BPTF: variants seen among roughly 807,000 people sequenced by gnomAD.
BPTF encodes bromodomain PHD finger transcription factor.
A neutral mutation model predicts 292.5 loss-of-function variants in BPTF; 18 were observed. That is an observed-to-expected ratio of 0.06 (90% CI 0.04 to 0.09). The LOEUF is 0.09. Ranked by LOEUF, BPTF falls within the 10% of genes least tolerant of loss-of-function variation. The pLI, the probability that BPTF is intolerant of heterozygous loss-of-function variation, is 1.00. For synonymous variants in BPTF, 1,225 were observed against 1,251.9 expected (o/e 0.98, Z 0.45); for missense variants, 2,726 against 3,498.7 (o/e 0.78, Z 5.57).
At chr17:67,870,261 CTT>C (rs374215070) in intron 3 of BPTF, among the ~76,000 whole-genome samples, 15 of 133,530 alleles carry the variant, frequency 1.1e-4, no homozygotes, top group Admixed American at 2.3e-4. Context: ...TCTTTCTTTC[CTT>C]TTTTTTTTTT....
intron 27 of BPTF, among the ~76,000 whole-genome samples, chr17:67,979,934 G>A (rs1184312110): frequency 6.6e-6 from 1 of 151,908 alleles, no homozygotes; most frequent in Non-Finnish European, 1.5e-5. Flanking sequence ...TCAGCTACTT[G>A]GGAGGCTGAG....
At chr17:67,865,186 T>A (rs190948913) in intron 2 of BPTF, among the ~76,000 whole-genome samples, 2 of 152,186 alleles carry the variant, frequency 1.3e-5, no homozygotes, top group African/African-American at 4.8e-5. Flanking sequence ...TCAAAAACTT[T>A]TGGATCTTGG....
intron 23 of BPTF, among the ~76,000 whole-genome samples, chr17:67,950,028 T>A (rs1555677699): frequency 8.8e-6 from 1 of 113,304 alleles, no homozygotes; most frequent in Admixed American, 1.4e-4. Flanking sequence ...CACTCCAACC[T>A]GGGCAACAGA....
At position 67,945,506 on chromosome 17, in the gene BPTF, A is replaced by G; in HGVS notation, c.6798A>G (p.Ala2266=). The G allele has an allele frequency of 6.2e-7, 1 of 1,614,134 alleles. No homozygotes were observed. Among genetic ancestry groups the G allele is most frequent in the Non-Finnish European group, 8.5e-7 (1 of 1,180,030 alleles). ...PPAQSSSVGP[A]EAQPQTAQPS... is the part of the protein sequence containing the mutation. The stretch of plus-strand genomic sequence containing the variant: ...CTCAGTCATCAAGTGTGGGTCCAGC[A>G]GAAGCCCAGCCACAGACTGCTCAGC... Residue 2266 remains alanine, a synonymous_variant, in exon 21 of 28, where the codon GCA becomes GCG. Transcript: ENST00000306378.
At chr17:67,914,722 GCACTGGTCC>G (rs1355425636) in intron 11 of BPTF, among the ~76,000 whole-genome samples, 1 of 152,142 alleles carries the variant, frequency 6.6e-6, no homozygotes, top group African/African-American at 2.4e-5. Flanking sequence ...GGAGAGTTAG[GCACTGGTCC>G]CAATCAAGTG....
chr17:67,907,635 T>G (rs1366871660), intron 9 of BPTF, among the ~76,000 whole-genome samples: 1 of 152,050 alleles, frequency 6.6e-6, no homozygotes, highest in Non-Finnish European at 1.5e-5. Flanking sequence ...GGATTACAGG[T>G]GTGAGTCACT....
chr17:67,954,187 A>G (rs1396304505), intron 23 of BPTF, among the ~76,000 whole-genome samples: 1 of 148,164 alleles, frequency 6.7e-6, no homozygotes, highest in South Asian at 2.1e-4. Flanking sequence ...TTTTGTTGTT[A>G]TTGTTGTTGT....
At position 67,926,559 on chromosome 17, in the gene BPTF, C is replaced by T. The variant is rs1309729904; in HGVS notation, c.5752-1796C>T. On this transcript the variant is annotated intron_variant, in intron 15 of 27. Coordinates refer to ENST00000306378, the MANE Select transcript of BPTF (RefSeq NM_182641.4). Reference sequence around the variant, plus strand: ...CAGGATGGTCTCGATCTCCTGACCTCGTGATCCGCCTGCCTTGGCCTCCCA... The same window carrying T: ...CAGGATGGTCTCGATCTCCTGACCTTGTGATCCGCCTGCCTTGGCCTCCCA... 4.6e-5 allele frequency among the ~76,000 whole-genome samples: 7 copies of T among 151,584 alleles called. No homozygotes were observed. In the East Asian group the frequency reaches 5.9e-4, roughly 13 times the overall value.
At chr17:67,906,940 G>A (rs993132839) in intron 9 of BPTF, among the ~76,000 whole-genome samples, 1 of 152,160 alleles carries the variant, frequency 6.6e-6, no homozygotes, top group African/African-American at 2.4e-5. Flanking sequence ...CACCTGTGAT[G>A]GGATGCCAAG....
intron 20 of BPTF, 109 bp from the exon 21 acceptor site, chr17:67,945,300 A>G: frequency 6.6e-7 from 1 of 1,510,526 alleles, no homozygotes. Flanking sequence ...GGTGTGAGCC[A>G]CCACGCCTGG....
chr17:67,973,638 T>C (rs1271641775), intron 26 of BPTF, among the ~76,000 whole-genome samples: 4 of 151,920 alleles, frequency 2.6e-5, no homozygotes, highest in African/African-American at 7.3e-5. Context: ...CCCTAGTAGC[T>C]GGGATTAAAG....
Position 67,825,625 on chromosome 17 carries a change from G to T in BPTF, c.-100G>T. On this transcript the variant is annotated 5_prime_UTR_variant, in exon 1 of 28. Transcript: ENST00000306378. ...CCGTCGGCCGGGCCCCTCCCGCCCG[G>T]CCCCGCGGGCCTCCCCACCCGGCCC... 2 of 252,360 alleles carry T rather than the reference G, an allele frequency of 7.9e-6. No individual in the cohort carries two copies. Among genetic ancestry groups the T allele is most frequent in the South Asian group, 6.0e-5 (2 of 33,236 alleles). The allele number at this position is 252,360 out of a possible 1,614,324, so 15.6% of individuals were successfully genotyped here.
chr17:67,940,213 A>G (rs1555671195), intron 18 of BPTF, among the ~76,000 whole-genome samples: 1 of 152,180 alleles, frequency 6.6e-6, no homozygotes. Flanking sequence ...CCATTATCCT[A>G]CAGACAGCAG....
intron 1 of BPTF, among the ~76,000 whole-genome samples, chr17:67,827,202 C>T (rs1264511678): frequency 6.6e-6 from 1 of 152,188 alleles, no homozygotes; most frequent in African/African-American, 2.4e-5. Flanking sequence ...ATCATCTAGA[C>T]ATAATTGCCG....
At chr17:67,955,690 G>A (rs1310067424) in intron 23 of BPTF, 2 of 151,900 alleles carry the variant, frequency 1.3e-5, no homozygotes, top group Admixed American at 1.3e-4. Context: ...AGCCAGACAT[G>A]GTGGCGGGCG....
intron 2 of BPTF, among the ~76,000 whole-genome samples, chr17:67,861,538 A>G (rs1283162739): frequency 6.7e-6 from 1 of 150,344 alleles, no homozygotes; most frequent in Non-Finnish European, 1.5e-5. Flanking sequence ...CTGATATTGA[A>G]CTCCTGACCT....
At chr17:67,869,727 T>G (rs1278744483) in intron 3 of BPTF, among the ~76,000 whole-genome samples, 1 of 150,124 alleles carries the variant, frequency 6.7e-6, no homozygotes, top group East Asian at 1.9e-4. Context: ...CTCACGCCTG[T>G]AATCCCAGCA....
chr17:67,948,525 A>G (rs1359490342), intron 23 of BPTF, among the ~76,000 whole-genome samples: 2 of 152,108 alleles, frequency 1.3e-5, no homozygotes, highest in South Asian at 2.1e-4. Context: ...CAGACTAGCA[A>G]CTCTGAGAGG....
At chr17:67,902,844 A>G (rs1338941377) in intron 7 of BPTF, among the ~76,000 whole-genome samples, 1 of 152,220 alleles carries the variant, frequency 6.6e-6, no homozygotes, top group Non-Finnish European at 1.5e-5. Flanking sequence ...TGCATGAGAA[A>G]TTGGCTGCAT....
Sources: gnomAD v4.1 joint callset for allele counts (sites outside exome capture counted in the v4.1 genomes callset) on GRCh38, gnomAD v4.1.1 for gene constraint, MANE v1.5 for transcripts, NCBI Gene and HGNC (gene_info 2026-07-23, HGNC 2026-07-21) for gene names.